CNST: variants seen among roughly 807,000 people sequenced by gnomAD.
CNST encodes the protein consortin.
CNST carries 39 observed loss-of-function variants against 72.4 expected under a neutral mutation model. The ratio of observed to expected loss-of-function variants is 0.54; its 90% CI spans 0.42 to 0.70. CNST has a LOEUF of 0.70. Among genes scored for constraint, CNST ranks in the 30% least tolerant of loss-of-function variants. The pLI is 0.00. For synonymous variants in CNST, 332 were observed against 320.1 expected, an observed-to-expected ratio of 1.04 and a Z score of -0.40; for missense variants, 871 against 868.5, an observed-to-expected ratio of 1.00 and a Z score of -0.04.
At chr1:246,615,700 G>C (rs1466452613) in intron 2 of CNST, among the ~76,000 whole-genome samples, 2 of 151,218 alleles carry the variant, frequency 1.3e-5, no homozygotes, top group Non-Finnish European at 2.9e-5. Context: ...CCAACATGGA[G>C]AAACCCCGTC....
intron 7 of CNST, 43 bp from the exon 8 acceptor site, chr1:246,641,896 AAC>A: frequency 1.3e-6 from 2 of 1,487,680 alleles, no homozygotes; most frequent in Non-Finnish European, 1.9e-6. Context: ...AGTTTAATAC[AAC>A]AGTTTCCCCA....
At chr1:246,567,983 G>A (rs1659828272) in intron 1 of CNST, among the ~76,000 whole-genome samples, 2 of 151,966 alleles carry the variant, frequency 1.3e-5, no homozygotes, top group African/African-American at 4.8e-5. Flanking sequence ...GAAATGTGTC[G>A]TTGAATTTCT....
chr1:246,601,226 GC>G (rs1307971767), intron 2 of CNST, among the ~76,000 whole-genome samples: 1 of 151,728 alleles, frequency 6.6e-6, no homozygotes, highest in Non-Finnish European at 1.5e-5. Flanking sequence ...GATCACTTGA[GC>G]CTGGGAGGTC....
chr1:246,661,004 C>CT (rs1667072053), intron 10 of CNST, among the ~76,000 whole-genome samples: 1 of 151,714 alleles, frequency 6.6e-6, no homozygotes, highest in Admixed American at 6.6e-5. Flanking sequence ...CGGTCTTGCT[C>CT]TGTCACCCAG....
chr1:246,624,989 AT>A (rs965945729), intron 3 of CNST, among the ~76,000 whole-genome samples: 1 of 151,994 alleles, frequency 6.6e-6, no homozygotes, highest in Non-Finnish European at 1.5e-5. Context: ...ACACACACGT[AT>A]TTTTTCCATT....
rs572249278 is a variant in CNST, at chr1:246,573,132, T to G, written c.-52+6469T>G. ...TTAATTCAAATTCAGCCATCAGGCT[T>G]TATTTTAAATGATTTACACAGCAAT... On this transcript the variant is annotated intron_variant, in intron 1 of 10. Transcript: ENST00000366513. 1.6e-3 allele frequency among the ~76,000 whole-genome samples: 243 copies of G among 152,356 alleles called. 2 individuals carry two copies. Among genetic ancestry groups the G allele is most frequent in the Non-Finnish European group, 2.7e-3 (183 of 68,036 alleles).
At chr1:246,642,133 G>GTTTTTT (rs74163469) in intron 8 of CNST, 96 bp downstream of exon 8, 64 of 187,570 alleles carry the variant, frequency 3.4e-4, no homozygotes, top group African/African-American at 2.4e-3. Context: ...AAAGGATCTG[G>GTTTTTT]TTTTTTTTTT....
At chr1:246,629,789 T>G (rs1283556430) in intron 3 of CNST, among the ~76,000 whole-genome samples, 1 of 152,170 alleles carries the variant, frequency 6.6e-6, no homozygotes, top group Non-Finnish European at 1.5e-5. Flanking sequence ...TGGAATGCAG[T>G]GGCGCAATTT....
chr1:246,600,197 G>T (rs1229763277), intron 2 of CNST, among the ~76,000 whole-genome samples: 1 of 152,350 alleles, frequency 6.6e-6, no homozygotes, highest in East Asian at 1.9e-4. Context: ...TTCAGTATCT[G>T]CTAATATTCC....
chr1:246,591,916 AG>A lies in CNST; in HGVS notation c.357del (p.Thr120LeufsTer17). 1 of 1,613,276 alleles carries A rather than the reference AG, an allele frequency of 6.2e-7. No homozygotes were observed. The highest frequency in any genetic ancestry group is 1.3e-5 in the African/African-American group (1 of 74,942). ...PGKRSPRSKKGTAKKIPPGLF... is the reference protein window; with the variant it reads ...PGKRSPRSKKXTAKKIPPGLF... Reference sequence around the variant, plus strand: ...GAAAAAGAAGTCCAAGAAGCAAAAAAGGGACTGCTAAGAAGATACCACCAGG... The same window carrying A: ...GAAAAAGAAGTCCAAGAAGCAAAAAAGGACTGCTAAGAAGATACCACCAGG... On this transcript the variant is annotated frameshift_variant, in exon 2 of 11. Transcript: ENST00000366513. LOFTEE classifies it high-confidence loss of function.
At chr1:246,634,999 C>CCTGCTT (rs1665083514) in intron 6 of CNST, among the ~76,000 whole-genome samples, 1 of 45,506 alleles carries the variant, frequency 2.2e-5, no homozygotes, top group African/African-American at 8.2e-5. Context: ...CGGCCCTCTT[C>CCTGCTT]CTGCTTCTGC....
At chr1:246,656,858 A>C (rs1461756388) in intron 9 of CNST, among the ~76,000 whole-genome samples, 1 of 152,090 alleles carries the variant, frequency 6.6e-6, no homozygotes, top group East Asian at 1.9e-4. Flanking sequence ...TGAGCCTAGG[A>C]GGTTGAGGCT....
At chr1:246,603,779 A>G (rs1007458409) in intron 2 of CNST, among the ~76,000 whole-genome samples, 26 of 152,294 alleles carry the variant, frequency 1.7e-4, no homozygotes, top group Middle Eastern at 3.4e-3. Flanking sequence ...GGGAGGCAGT[A>G]GGGGGATGGG....
chr1:246,647,148 C>T lies in CNST; in HGVS notation c.947C>T (p.Thr316Ile). Reference protein sequence around the residue: ...GATTKESESKTCLGTESSKES... With the variant: ...GATTKESESKICLGTESSKES... ...TTTTCTTCATCTTTAGAGAGTAAAA[C>T]TTGTCTCGGCACAGAGTCAAGTAAA... The change falls in exon 9 of 11, where the codon ACT (threonine) becomes ATT (isoleucine). Residue 316 changes from threonine (T) to isoleucine (I), a missense_variant. Physicochemically the swap from Thr to Ile is moderately conservative, Grantham distance 89 (BLOSUM62 -1). Coordinates refer to ENST00000366513, the MANE Select transcript of CNST (RefSeq NM_152609.3). 6.2e-7 allele frequency: 1 copy of T among 1,608,190 alleles called. No homozygotes were observed. The highest frequency in any genetic ancestry group is 8.5e-7 in the Non-Finnish European group (1 of 1,177,662).
rs1341475453 is a variant in CNST, at chr1:246,667,932, A to G, written c.*2027A>G. Reference sequence around the variant, plus strand: ...ACCAGAGCCACTTCCTCTGAACCCAACATCTCCTGGGGACCTTCGCAGCAA... The same window carrying G: ...ACCAGAGCCACTTCCTCTGAACCCAGCATCTCCTGGGGACCTTCGCAGCAA... On this transcript the variant is annotated 3_prime_UTR_variant, in exon 11 of 11. Transcript: ENST00000366513. 2.0e-5 allele frequency: 3 copies of G among 152,214 alleles called. No homozygotes were observed. The highest frequency in any genetic ancestry group is 6.5e-5 in the Admixed American group (1 of 15,268). The allele number at this position is 152,214 out of a possible 1,614,324, so 9.4% of individuals were successfully genotyped here.
In CNST at chr1:246,566,518, C is replaced by G; in HGVS notation, c.-197C>G. The G allele has an allele frequency of 2.3e-6, 1 of 429,230 alleles. No individual in the cohort carries two copies. The highest frequency in any genetic ancestry group is 4.1e-6 in the Non-Finnish European group (1 of 241,080). 26.6% of individuals were successfully genotyped at this position (429,230 alleles called of 1,614,324 possible). On this transcript the variant is annotated 5_prime_UTR_variant, in exon 1 of 11. Transcript: ENST00000366513. ...GAGGGGTGCGCAGAGGGAGGCGGGG[C>G]GGAAAGGCGAGAGGTGTCTCCTCCA...
chr1:246,659,719 CT>C (rs1666981215), intron 9 of CNST, among the ~76,000 whole-genome samples: 1 of 152,132 alleles, frequency 6.6e-6, no homozygotes, highest in Non-Finnish European at 1.5e-5. Context: ...GAGGACAACA[CT>C]TTAATGTTAA....
chr1:246,617,117 A>G (rs1404177454), intron 2 of CNST, among the ~76,000 whole-genome samples: 2 of 152,186 alleles, frequency 1.3e-5, no homozygotes, highest in Non-Finnish European at 2.9e-5. Flanking sequence ...CTCTTAGCAT[A>G]TTATCCCTTA....
At chr1:246,647,093 A>G (rs1051461238) in intron 8 of CNST, 46 bp from the exon 9 acceptor site, 18 of 1,531,192 alleles carry the variant, frequency 1.2e-5, no homozygotes, top group Non-Finnish European at 1.5e-5. Context: ...TTCCTATACA[A>G]AGTGTTGTTT....
Sources: gnomAD v4.1 joint callset for allele counts (sites outside exome capture counted in the v4.1 genomes callset) on GRCh38, gnomAD v4.1.1 for gene constraint, MANE v1.5 for transcripts, NCBI Gene and HGNC (gene_info 2026-07-23, HGNC 2026-07-21) for gene names.